MSRA: variants seen among roughly 807,000 people sequenced by gnomAD.
The protein encoded by MSRA is methionine sulfoxide reductase A.
In MSRA, 54 loss-of-function variants were observed where a neutral mutation model predicts 31.3. The observed-to-expected ratio is 1.73, with a 90% CI of 1.39 to 2.17. MSRA has a LOEUF of 2.17. Among genes scored for constraint, MSRA ranks in the 30% most tolerant of loss-of-function variants. The pLI, the probability that MSRA is intolerant of heterozygous loss-of-function variation, is 0.00. For synonymous variants in MSRA, 169 were observed against 116.5 expected, an observed-to-expected ratio of 1.45 and a Z score of -2.90; for missense variants, 507 against 300.9, an observed-to-expected ratio of 1.69 and a Z score of -5.07.
intron 1 of MSRA, chr8:10,095,845 G>A: frequency 7.9e-7 from 1 of 1,266,146 alleles, no homozygotes; most frequent in Non-Finnish European, 1.0e-6. Context: ...CTTCCATAGT[G>A]TCCATGCATT....
chr8:10,109,056 C>A (rs1326301856), intron 1 of MSRA, among the ~76,000 whole-genome samples: 2 of 152,184 alleles, frequency 1.3e-5, no homozygotes, highest in South Asian at 2.1e-4. Flanking sequence ...TAGATCAACT[C>A]TCTAGGTTCT....
intron 2 of MSRA, among the ~76,000 whole-genome samples, chr8:10,241,202 G>A (rs1812384066): frequency 1.3e-5 from 2 of 152,098 alleles, no homozygotes; most frequent in Non-Finnish European, 2.9e-5. Flanking sequence ...ATCTTGAAGT[G>A]CTTTTTCCCA....
At chr8:10,280,857 C>A (rs886709400) in intron 3 of MSRA, among the ~76,000 whole-genome samples, 2 of 152,212 alleles carry the variant, frequency 1.3e-5, no homozygotes, top group African/African-American at 4.8e-5. Context: ...CACACAACAA[C>A]ATGGTCGATA....
chr8:10,075,519 G>C (rs983076932), intron 1 of MSRA, among the ~76,000 whole-genome samples: 1 of 152,182 alleles, frequency 6.6e-6, no homozygotes, highest in African/African-American at 2.4e-5. Flanking sequence ...AATATTTATG[G>C]AAGAGAAGTG....
intron 3 of MSRA, among the ~76,000 whole-genome samples, chr8:10,284,998 A>G (rs1455786718): frequency 6.8e-6 from 1 of 147,690 alleles, no homozygotes; most frequent in Non-Finnish European, 1.5e-5. Context: ...CTAGATTTTC[A>G]TGACTTCCTC....
intron 3 of MSRA, among the ~76,000 whole-genome samples, chr8:10,279,042 G>C (rs529163137): frequency 1.3e-5 from 2 of 152,138 alleles, no homozygotes; most frequent in African/African-American, 2.4e-5. Context: ...AGGTCATTTA[G>C]GTCATTGATT....
At chr8:10,395,136 C>T (rs557147334) in intron 5 of MSRA, among the ~76,000 whole-genome samples, 3 of 152,270 alleles carry the variant, frequency 2.0e-5, no homozygotes, top group South Asian at 4.1e-4. Context: ...CAGGAGGAAG[C>T]GTTGGAGCCT....
At chr8:10,117,565 G>C (rs150862544) in intron 1 of MSRA, among the ~76,000 whole-genome samples, 79 of 152,224 alleles carry the variant, frequency 5.2e-4, no homozygotes, top group African/African-American at 1.5e-3. Flanking sequence ...CCTAGCTGTT[G>C]GGAGCATGTC....
intron 2 of MSRA, among the ~76,000 whole-genome samples, chr8:10,222,506 A>G (rs1286756646): frequency 6.6e-6 from 1 of 152,188 alleles, no homozygotes; most frequent in Non-Finnish European, 1.5e-5. Context: ...ACTTCTTCAT[A>G]TCTAAAGGCA....
intron 5 of MSRA, among the ~76,000 whole-genome samples, chr8:10,382,313 C>A (rs945641792): frequency 6.6e-6 from 1 of 152,178 alleles, no homozygotes; most frequent in East Asian, 1.9e-4. Context: ...TCCTGCACTG[C>A]GGCTCTCTTG....
chr8:10,307,421 C>T (rs576500593), intron 4 of MSRA, among the ~76,000 whole-genome samples: 2 of 152,160 alleles, frequency 1.3e-5, no homozygotes, highest in Admixed American at 6.5e-5. Flanking sequence ...CCTGCCTCAG[C>T]CTTCCAAAGT....
At chr8:10,115,039 A>T (rs1158734342) in intron 1 of MSRA, among the ~76,000 whole-genome samples, 1 of 152,246 alleles carries the variant, frequency 6.6e-6, no homozygotes, top group Non-Finnish European at 1.5e-5. Context: ...AATGGAATAA[A>T]CCAGTGGATT....
rs921681748 is a variant in MSRA at position 10,168,729 on chromosome 8, G to A, written c.143-39104G>A. On this transcript the variant is annotated intron_variant, in intron 1 of 5. Coordinates refer to ENST00000317173, the MANE Select transcript of MSRA (RefSeq NM_012331.5). Reference sequence around the variant, plus strand: ...TTCAGAAGTGCCCATCCCTTGCGGGGATTTGAGCTCTCACAGCCCAGCCTC... The same window carrying A: ...TTCAGAAGTGCCCATCCCTTGCGGGAATTTGAGCTCTCACAGCCCAGCCTC... Among the ~76,000 whole-genome samples the A allele has an allele frequency of 3.3e-5, 5 of 152,192 alleles. 1 individual carries two copies. Among genetic ancestry groups the A allele is most frequent in the African/African-American group, 4.8e-5 (2 of 41,446 alleles).
chr8:10,428,007 G>T, intron 5 of MSRA, 141 bp from the exon 6 acceptor site: 1 of 794,546 alleles, frequency 1.3e-6, no homozygotes, highest in Non-Finnish European at 1.9e-6. Flanking sequence ...CTTGGAATGC[G>T]GAGAGCCCGG....
At chr8:10,240,058 G>T (rs1812275934) in intron 2 of MSRA, among the ~76,000 whole-genome samples, 1 of 152,192 alleles carries the variant, frequency 6.6e-6, no homozygotes, top group African/African-American at 2.4e-5. Context: ...AAAGTGAGTT[G>T]CTTGGTCTGA....
chr8:10,161,203 C>G (rs1185083650), intron 1 of MSRA, among the ~76,000 whole-genome samples: 1 of 152,116 alleles, frequency 6.6e-6, no homozygotes, highest in Non-Finnish European at 1.5e-5. Flanking sequence ...GGCTGCCCAG[C>G]AAGCCAATAA....
At chr8:10,297,082 C>A (rs1411973274) in intron 3 of MSRA, among the ~76,000 whole-genome samples, 2 of 152,142 alleles carry the variant, frequency 1.3e-5, no homozygotes, top group African/African-American at 4.8e-5. Context: ...TGACTTATCT[C>A]GGGGTTCTCT....
intron 5 of MSRA, among the ~76,000 whole-genome samples, chr8:10,349,751 T>A (rs917861041): frequency 1.3e-5 from 2 of 152,252 alleles, no homozygotes; most frequent in African/African-American, 2.4e-5. Context: ...TGAGGCTCTT[T>A]TAGGTCTAAG....
At chr8:10,066,357 A>G (rs728878) in intron 1 of MSRA, among the ~76,000 whole-genome samples, 16,826 of 152,162 alleles carry the variant, frequency 0.11, 1,046 homozygotes, top group African/African-American at 0.15. Flanking sequence ...CAATTTCCCA[A>G]CTAACCAATG....
Sources: gnomAD v4.1 joint callset for allele counts (sites outside exome capture counted in the v4.1 genomes callset) on GRCh38, gnomAD v4.1.1 for gene constraint, MANE v1.5 for transcripts, NCBI Gene and HGNC (gene_info 2026-07-23, HGNC 2026-07-21) for gene names.